The following TBC1D5 variants were observed in gnomAD, a reference collection of about 807,000 sequenced individuals.
TBC1D5 encodes TBC1 domain family, member 5.
Under a neutral mutation model 100.3 loss-of-function variants are expected in TBC1D5, and 75 were observed. The observed-to-expected ratio is 0.75, with a 90% CI of 0.62 to 0.91. TBC1D5 has a LOEUF of 0.91. Among genes scored for constraint, TBC1D5 ranks in the 40% least tolerant of loss-of-function variants. The pLI, the probability that TBC1D5 is intolerant of heterozygous loss-of-function variation, is 0.00. For synonymous variants in TBC1D5, 323 were observed against 325.6 expected (o/e 0.99, Z 0.09); for missense variants, 910 against 942.4 (o/e 0.97, Z 0.45).
At chr3:17,409,163 G>C (rs958015756) in intron 4 of TBC1D5, among the ~76,000 whole-genome samples, 4 of 152,128 alleles carry the variant, frequency 2.6e-5, no homozygotes, top group African/African-American at 4.8e-5. Context: ...CATTGAGCAA[G>C]TCTATCAGCA....
intron 2 of TBC1D5, among the ~76,000 whole-genome samples, chr3:17,522,468 C>T (rs932703062): frequency 3.3e-5 from 5 of 152,078 alleles, no homozygotes; most frequent in African/African-American, 1.2e-4. Context: ...GAACACAATA[C>T]ATAGTGCTCA....
At chr3:17,458,953 G>A (rs954291042) in intron 3 of TBC1D5, among the ~76,000 whole-genome samples, 13 of 152,030 alleles carry the variant, frequency 8.6e-5, no homozygotes, top group African/African-American at 2.2e-4. Flanking sequence ...GTTAACTAAC[G>A]CGTAGCCATA....
intron 8 of TBC1D5, among the ~76,000 whole-genome samples, chr3:17,394,539 T>C (rs894268233): frequency 6.6e-6 from 1 of 152,068 alleles, no homozygotes; most frequent in African/African-American, 2.4e-5. Flanking sequence ...CTGGGAAATA[T>C]GAAGCTACAA....
chr3:17,357,582 G>A (rs2091331776), intron 13 of TBC1D5, among the ~76,000 whole-genome samples: 1 of 151,974 alleles, frequency 6.6e-6, no homozygotes, highest in Admixed American at 6.6e-5. Context: ...TATGGGGACT[G>A]ACATCACTAC....
intron 13 of TBC1D5, among the ~76,000 whole-genome samples, chr3:17,359,251 T>C (rs2091493772): frequency 6.6e-6 from 1 of 152,126 alleles, no homozygotes; most frequent in African/African-American, 2.4e-5. Context: ...TAATAGAGTG[T>C]AATAAATGAC....
At chr3:17,349,836 G>A (rs536205543) in intron 13 of TBC1D5, among the ~76,000 whole-genome samples, 77 of 152,066 alleles carry the variant, frequency 5.1e-4, no homozygotes, top group Non-Finnish European at 8.1e-4. Context: ...ACATTTAAAC[G>A]ATTAAACAAT....
intron 2 of TBC1D5, among the ~76,000 whole-genome samples, chr3:17,532,487 T>C (rs1296469308): frequency 6.6e-6 from 1 of 152,140 alleles, no homozygotes; most frequent in Non-Finnish European, 1.5e-5. Flanking sequence ...CATTACTGGG[T>C]GTATACCCAA....
chr3:17,601,616 C>T (rs2060948862), intron 2 of TBC1D5, among the ~76,000 whole-genome samples: 2 of 152,144 alleles, frequency 1.3e-5, no homozygotes, highest in South Asian at 4.1e-4. Flanking sequence ...GCCCATGATA[C>T]CTGGGGTTGG....
At chr3:17,622,628 A>C (rs928104269) in intron 2 of TBC1D5, 11 of 151,908 alleles carry the variant, frequency 7.2e-5, no homozygotes, top group African/African-American at 2.4e-4. Flanking sequence ...GGAAATACTG[A>C]ATTGAACTAA....
At chr3:17,719,437 A>G (rs2075515995) in intron 1 of TBC1D5, among the ~76,000 whole-genome samples, 2 of 152,334 alleles carry the variant, frequency 1.3e-5, no homozygotes, top group Admixed American at 1.3e-4. Flanking sequence ...TAAATGGACT[A>G]TTAGATAAAC....
intron 1 of TBC1D5, among the ~76,000 whole-genome samples, chr3:17,704,091 T>A (rs1256260314): frequency 7.0e-6 from 1 of 143,868 alleles, no homozygotes; most frequent in Admixed American, 7.0e-5. Context: ...TTTGTGTCCC[T>A]GATTACTTGA....
chr3:17,312,561 G>C (rs1023601936), intron 13 of TBC1D5, among the ~76,000 whole-genome samples: 1 of 152,010 alleles, frequency 6.6e-6, no homozygotes, highest in African/African-American at 2.4e-5. Flanking sequence ...TTGCCTTTTT[G>C]GGAACACATG....
rs572282602 is a variant in TBC1D5, at chr3:17,684,233, T to C, written c.-101+55110A>G. ...ACACACATTTCTAAATCCATGTATATAAATCAAAGGAAAACACTTCCTTTA... is the reference window on the plus strand; with the variant it reads ...ACACACATTTCTAAATCCATGTATACAAATCAAAGGAAAACACTTCCTTTA... On this transcript the variant is annotated intron_variant, in intron 1 of 21. Transcript: ENST00000253692. Among the ~76,000 whole-genome samples, 57 of 152,166 alleles carry C rather than the reference T, an allele frequency of 3.7e-4. 1 individual carries two copies. Among genetic ancestry groups the C allele is most frequent in the Admixed American group, 2.1e-3 (32 of 15,284 alleles).
At chr3:17,363,378 G>A (rs936807902) in intron 13 of TBC1D5, among the ~76,000 whole-genome samples, 2 of 151,846 alleles carry the variant, frequency 1.3e-5, no homozygotes, top group East Asian at 1.9e-4. Flanking sequence ...TATCAACATT[G>A]AGCAAAATTT....
intron 3 of TBC1D5, among the ~76,000 whole-genome samples, chr3:17,483,244 T>C (rs1402999066): frequency 1.3e-5 from 2 of 152,140 alleles, no homozygotes; most frequent in African/African-American, 4.8e-5. Context: ...CTGCAAGTTG[T>C]TATAAATGAA....
At chr3:17,248,883 A>G (rs2076963708) in intron 16 of TBC1D5, among the ~76,000 whole-genome samples, 1 of 152,198 alleles carries the variant, frequency 6.6e-6, no homozygotes, top group Non-Finnish European at 1.5e-5. Flanking sequence ...ATCAATTATC[A>G]TAGATACATC....
At chr3:17,510,082 G>A (rs977197963) in intron 2 of TBC1D5, among the ~76,000 whole-genome samples, 1 of 151,206 alleles carries the variant, frequency 6.6e-6, no homozygotes, top group Non-Finnish European at 1.5e-5. Context: ...GAGCAGCAAG[G>A]ACATGAGAAA....
intron 16 of TBC1D5, among the ~76,000 whole-genome samples, chr3:17,246,982 A>G (rs191088045): frequency 6.6e-6 from 1 of 152,338 alleles, no homozygotes; most frequent in African/African-American, 2.4e-5. Context: ...CAAATTGTTT[A>G]CACTAACAAT....
intron 2 of TBC1D5, among the ~76,000 whole-genome samples, chr3:17,589,127 T>G (rs961133391): frequency 6.6e-6 from 1 of 152,216 alleles, no homozygotes; most frequent in Admixed American, 6.5e-5. Context: ...TACAATACAA[T>G]GAAGTTCTGA....
Sources: gnomAD v4.1 joint callset for allele counts (sites outside exome capture counted in the v4.1 genomes callset) on GRCh38, gnomAD v4.1.1 for gene constraint, MANE v1.5 for transcripts, NCBI Gene and HGNC (gene_info 2026-07-23, HGNC 2026-07-21) for gene names.